Variants in EPHA3 observed in about 807,000 individuals in gnomAD.
EPHA3 encodes EPH receptor A3.
In EPHA3, 42 loss-of-function variants were observed where a neutral mutation model predicts 107.1. The observed-to-expected ratio is 0.39, with a 90% CI of 0.31 to 0.51. The LOEUF (loss-of-function observed/expected upper bound fraction) is 0.51. Ranked by LOEUF, EPHA3 falls within the 20% of genes least tolerant of loss-of-function variation. EPHA3 has a pLI of 0.78. For synonymous variants in EPHA3, 461 were observed against 424.8 expected (o/e 1.09, Z -1.05); for missense variants, 1,183 against 1,211.2 (o/e 0.98, Z 0.35).
chr3:89,452,272 G>A (rs1207180751), intron 15 of EPHA3, among the ~76,000 whole-genome samples: 2 of 152,062 alleles, frequency 1.3e-5, no homozygotes, highest in Non-Finnish European at 2.9e-5. Context: ...GTTTTTTGTG[G>A]AACCTCCATA....
At chr3:89,307,898 A>G (rs1230604296) in intron 3 of EPHA3, among the ~76,000 whole-genome samples, 2 of 152,116 alleles carry the variant, frequency 1.3e-5, no homozygotes, top group South Asian at 2.1e-4. Flanking sequence ...ATGTACTTCC[A>G]AAGTTTGGTT....
At chr3:89,238,598 G>C (rs1704825573) in intron 3 of EPHA3, among the ~76,000 whole-genome samples, 1 of 152,062 alleles carries the variant, frequency 6.6e-6, no homozygotes, top group South Asian at 2.1e-4. Context: ...TCATTTTACT[G>C]TTTTTAAAAT....
At position 89,357,106 on chromosome 3, in the gene EPHA3, C is replaced by CAAAAAAAAAAAAAA. The variant is rs56717904; in HGVS notation, c.1306+15033_1306+15046dup. ...CTGGTGAAAGAGTGAGACCCTGTCT[C>CAAAAAAAAAAAAAA]AAAAAAAAAAAAAAAAAAAAAAAAA... On this transcript the variant is annotated intron_variant, in intron 5 of 16. Coordinates refer to ENST00000336596, the MANE Select transcript of EPHA3 (RefSeq NM_005233.6). Among the ~76,000 whole-genome samples the CAAAAAAAAAAAAAA allele has an allele frequency of 1.9e-4, 3 of 15,998 alleles. 1 individual carries two copies. The highest frequency in any genetic ancestry group is 3.4e-4 in the Non-Finnish European group (3 of 8,860). 10.5% of individuals were successfully genotyped at this position (15,998 alleles called of 152,430 possible). A position where few individuals can be genotyped will look rare whatever the true frequency, so the allele number is the denominator to read the frequency against.
At chr3:89,161,252 A>G (rs1704935032) in intron 2 of EPHA3, among the ~76,000 whole-genome samples, 3 of 152,206 alleles carry the variant, frequency 2.0e-5, no homozygotes, top group African/African-American at 2.4e-5. Context: ...ACACATTCAC[A>G]TGGTTACAAT....
At position 89,312,301 on chromosome 3, in the gene EPHA3, T is replaced by C. The variant is rs989744929; in HGVS notation, c.815-28615T>C. 3.3e-5 allele frequency among the ~76,000 whole-genome samples: 5 copies of C among 151,794 alleles called. No homozygotes were observed. The East Asian group carries it at 7.7e-4, about 23-fold the overall frequency. On this transcript the variant is annotated intron_variant, in intron 3 of 16. Coordinates refer to ENST00000336596, the MANE Select transcript of EPHA3 (RefSeq NM_005233.6). ...CATGCATTTCAAGAAAACTCTGAAG[T>C]TGGGGAAGACGTTTTTTAGAGAAAG...
intron 3 of EPHA3, among the ~76,000 whole-genome samples, chr3:89,223,000 G>C (rs1704416255): frequency 6.6e-6 from 1 of 152,004 alleles, no homozygotes; most frequent in South Asian, 2.1e-4. Context: ...ATATTTCTTA[G>C]TCTTTTAACC....
chr3:89,264,096 G>A (rs1314711985), intron 3 of EPHA3, among the ~76,000 whole-genome samples: 1 of 152,098 alleles, frequency 6.6e-6, no homozygotes, highest in Non-Finnish European at 1.5e-5. Context: ...ATTTAAATAT[G>A]TTTGGTTCAA....
chr3:89,359,728 T>TATATAC, intron 5 of EPHA3, among the ~76,000 whole-genome samples: 1 of 122,700 alleles, frequency 8.1e-6, no homozygotes, highest in Admixed American at 8.3e-5. Flanking sequence ...TATATATACA[T>TATATAC]ACATATATAC....
chr3:89,228,418 A>G lies in EPHA3; in HGVS notation c.814+17898A>G, dbSNP rs1243769607. ...CAGGGCTGATAAATATAGTCTATCT[A>G]CAACTTCATTATGCATAGTGCTCTT... On this transcript the variant is annotated intron_variant, in intron 3 of 16. Coordinates refer to ENST00000336596, the MANE Select transcript of EPHA3 (RefSeq NM_005233.6). 3.3e-5 allele frequency among the ~76,000 whole-genome samples: 5 copies of G among 152,092 alleles called. No individual in the cohort carries two copies. The East Asian group carries it at 9.6e-4, about 29-fold the overall frequency.
intron 3 of EPHA3, among the ~76,000 whole-genome samples, chr3:89,334,779 C>T (rs1282326214): frequency 6.6e-6 from 1 of 152,060 alleles, no homozygotes; most frequent in African/African-American, 2.4e-5. Context: ...GTCTCAAACA[C>T]CTCATTAAAG....
chr3:89,113,012 T>C (rs1707150222), intron 1 of EPHA3, among the ~76,000 whole-genome samples: 1 of 152,136 alleles, frequency 6.6e-6, no homozygotes, highest in Non-Finnish European at 1.5e-5. Context: ...GTGTCTCCTT[T>C]TGGGTTCTGT....
At chr3:89,327,366 T>C (rs1276244605) in intron 3 of EPHA3, among the ~76,000 whole-genome samples, 1 of 152,168 alleles carries the variant, frequency 6.6e-6, no homozygotes, top group Non-Finnish European at 1.5e-5. Context: ...ACTGCTAGAA[T>C]ATGAGTTCAA....
chr3:89,217,970 A>G (rs760029305), intron 3 of EPHA3, among the ~76,000 whole-genome samples: 18 of 152,140 alleles, frequency 1.2e-4, no homozygotes, highest in Non-Finnish European at 1.9e-4. Flanking sequence ...TGTATTTCAG[A>G]GATTTAGATT....
At chr3:89,225,788 G>A (rs1357906275) in intron 3 of EPHA3, among the ~76,000 whole-genome samples, 1 of 152,094 alleles carries the variant, frequency 6.6e-6, no homozygotes, top group Non-Finnish European at 1.5e-5. Flanking sequence ...GTTGAAAGGG[G>A]TAAAGAAGTA....
intron 3 of EPHA3, among the ~76,000 whole-genome samples, chr3:89,217,883 T>C (rs903967090): frequency 6.6e-6 from 1 of 152,218 alleles, no homozygotes; most frequent in African/African-American, 2.4e-5. Flanking sequence ...TTTATGAAAC[T>C]GAGAAGTGAA....
At chr3:89,227,260 A>G (rs1361488676) in intron 3 of EPHA3, among the ~76,000 whole-genome samples, 1 of 151,984 alleles carries the variant, frequency 6.6e-6, no homozygotes, top group Non-Finnish European at 1.5e-5. Context: ...ATGGCTACAA[A>G]ATGTTTAATC....
chr3:89,479,660 CTCTT>C lies in EPHA3; in HGVS notation c.*160_*163del, dbSNP rs962761722. On this transcript the variant is annotated 3_prime_UTR_variant, in exon 17 of 17. Transcript: ENST00000336596. ...AATGCCTTAAAATGGAATTGAAAAA[CTCTT>C]TATTTTCCCCTATCATTTATTGGAT... The C allele has an allele frequency of 2.7e-4, 149 of 561,396 alleles. No homozygotes were observed. The highest frequency in any genetic ancestry group is 3.7e-4 in the Non-Finnish European group (116 of 316,548). 34.8% of individuals were successfully genotyped at this position (561,396 alleles called of 1,614,324 possible). A position where few individuals can be genotyped will look rare whatever the true frequency, so the allele number is the denominator to read the frequency against.
At chr3:89,121,798 TAC>T (rs796184780) in intron 1 of EPHA3, among the ~76,000 whole-genome samples, 32 of 150,812 alleles carry the variant, frequency 2.1e-4, no homozygotes, top group African/African-American at 7.5e-4. Flanking sequence ...AGAAAATAAA[TAC>T]AAACAGGAAG....
intron 3 of EPHA3, among the ~76,000 whole-genome samples, chr3:89,266,830 A>G (rs1400959833): frequency 6.6e-6 from 1 of 152,158 alleles, no homozygotes; most frequent in Non-Finnish European, 1.5e-5. Context: ...AGTGAAAAAT[A>G]TGATCACATA....
Sources: gnomAD v4.1 joint callset for allele counts (sites outside exome capture counted in the v4.1 genomes callset) on GRCh38, gnomAD v4.1.1 for gene constraint, MANE v1.5 for transcripts, NCBI Gene and HGNC (gene_info 2026-07-23, HGNC 2026-07-21) for gene names.